SNX9: variants seen among roughly 807,000 people sequenced by gnomAD.
SNX9 encodes the protein sorting nexin-9.
Under a neutral mutation model 89.4 loss-of-function variants are expected in SNX9, and 44 were observed. That is an observed-to-expected ratio of 0.49 (90% CI 0.39 to 0.63). SNX9 has a LOEUF of 0.63. Among genes scored for constraint, SNX9 ranks in the 30% least tolerant of loss-of-function variants. The pLI, the probability that SNX9 is intolerant of heterozygous loss-of-function variation, is 0.00. For missense variants in SNX9, 578 were observed against 736.1 expected (o/e 0.79, Z 2.49); for synonymous variants, 236 against 247.8 (o/e 0.95, Z 0.45).
In SNX9 at chr6:157,823,532, C is replaced by T. The variant is rs1781279406; in HGVS notation, c.12+86C>T. The T allele has an allele frequency of 9.1e-7, 1 of 1,094,992 alleles. No individual in the cohort carries two copies. Among genetic ancestry groups the T allele is most frequent in the Non-Finnish European group, 1.1e-6 (1 of 886,000 alleles). The allele number at this position is 1,094,992 out of a possible 1,614,324, so 67.8% of individuals were successfully genotyped here. A position where few individuals can be genotyped will look rare whatever the true frequency, so the allele number is the denominator to read the frequency against. On this transcript the variant is annotated intron_variant, in intron 1 of 17. Coordinates refer to ENST00000392185, the MANE Select transcript of SNX9 (RefSeq NM_016224.5). This position sits in a 1 kb window ranked among gnomAD's most constrained non-coding sequence, Gnocchi z 4.6. ...TCGGGGCCGGGGCCGCGGGGAGGGT[C>T]GGGGCCAGGGGTGGTCGAGGGGCCA...
At chr6:157,830,734 T>C (rs1020578353) in intron 1 of SNX9, among the ~76,000 whole-genome samples, 2 of 152,224 alleles carry the variant, frequency 1.3e-5, no homozygotes, top group Non-Finnish European at 2.9e-5. Context: ...AGTAGCCACA[T>C]GTGGCTAATG....
intron 6 of SNX9, among the ~76,000 whole-genome samples, chr6:157,903,998 TAAAAC>T (rs757294357): frequency 2.0e-5 from 3 of 152,220 alleles, no homozygotes; most frequent in Non-Finnish European, 4.4e-5. Context: ...CACTTAAACT[TAAAAC>T]AATTATAAAA....
At chr6:157,899,718 G>C (rs1456103536) in intron 5 of SNX9, among the ~76,000 whole-genome samples, 1 of 152,070 alleles carries the variant, frequency 6.6e-6, no homozygotes, top group African/African-American at 2.4e-5. Flanking sequence ...AGCTTGCAGG[G>C]AGCCAAGATT....
intron 13 of SNX9, 133 bp downstream of exon 13, chr6:157,932,405 G>C: frequency 1.4e-6 from 1 of 730,228 alleles, no homozygotes; most frequent in Non-Finnish European, 2.4e-6. Context: ...TGGCTAGGCT[G>C]CCGCACTAAG....
intron 1 of SNX9, among the ~76,000 whole-genome samples, chr6:157,828,865 C>G (rs1017728572): frequency 7.2e-5 from 11 of 152,116 alleles, no homozygotes; most frequent in Non-Finnish European, 1.3e-4. Flanking sequence ...CATTACACAC[C>G]CCGACTGCCA....
intron 17 of SNX9, among the ~76,000 whole-genome samples, chr6:157,941,712 G>A (rs1169232732): frequency 6.6e-6 from 1 of 152,184 alleles, no homozygotes; most frequent in Admixed American, 6.5e-5. Flanking sequence ...CCATACTGGT[G>A]GCATCTGCGA....
At chr6:157,932,161 G>A (rs1783823950) in intron 12 of SNX9, 34 bp from the exon 13 acceptor site, 1 of 1,589,006 alleles carries the variant, frequency 6.3e-7, no homozygotes, top group Non-Finnish European at 8.6e-7. Context: ...AGTTTGCTCA[G>A]AAGACTAATC....
intron 1 of SNX9, among the ~76,000 whole-genome samples, chr6:157,843,709 A>C (rs2115115567): frequency 6.6e-6 from 1 of 152,230 alleles, no homozygotes; most frequent in East Asian, 1.9e-4. Context: ...GTCTTTGTGT[A>C]CTTCTGATTG....
At chr6:157,889,233 C>G (rs1472376080) in intron 4 of SNX9, among the ~76,000 whole-genome samples, 1 of 151,972 alleles carries the variant, frequency 6.6e-6, no homozygotes, top group Non-Finnish European at 1.5e-5. Flanking sequence ...GAGTTCGAGA[C>G]CAGCCTGGCC....
chr6:157,917,787 G>A (rs1467917883), intron 9 of SNX9, among the ~76,000 whole-genome samples: 1 of 151,922 alleles, frequency 6.6e-6, no homozygotes, highest in Non-Finnish European at 1.5e-5. Flanking sequence ...TAATAACAAG[G>A]AAAAAAGTCC....
At chr6:157,894,196 G>A (rs961087402) in intron 4 of SNX9, among the ~76,000 whole-genome samples, 5 of 133,232 alleles carry the variant, frequency 3.8e-5, no homozygotes, top group Non-Finnish European at 7.7e-5. Context: ...TGCAATCTCC[G>A]CCTCCTGGAT....
chr6:157,933,563 C>G (rs536904938), intron 13 of SNX9, among the ~76,000 whole-genome samples: 1 of 152,280 alleles, frequency 6.6e-6, no homozygotes, highest in South Asian at 2.1e-4. Flanking sequence ...AGACCAGAAG[C>G]GGGCTTTGAG....
At chr6:157,919,325 T>C (rs1042345977) in intron 9 of SNX9, among the ~76,000 whole-genome samples, 8 of 152,238 alleles carry the variant, frequency 5.3e-5, no homozygotes, top group African/African-American at 9.6e-5. Flanking sequence ...TCTCTCTTCT[T>C]CCTCTGGGAT....
intron 1 of SNX9, among the ~76,000 whole-genome samples, chr6:157,827,205 CAT>C (rs1781384347): frequency 3.1e-4 from 7 of 22,708 alleles, no homozygotes; most frequent in East Asian, 1.1e-3. Flanking sequence ...AATATATAAA[CAT>C]ATATTATAGT....
chr6:157,938,640 T>A lies in SNX9; in HGVS notation c.1541T>A (p.Ile514Lys). The change falls in exon 16 of 18, where the codon ATA becomes AAA. Residue 514 changes from isoleucine to lysine, a missense_variant. By Grantham distance (102) the Ile-to-Lys change is moderately radical. Around this residue, in one of 2 missense-constraint regions of SNX9, gnomAD observed 348 missense variants for 491.4 expected, o/e 0.71. Coordinates refer to ENST00000392185, the MANE Select transcript of SNX9 (RefSeq NM_016224.5). Reference protein sequence around the residue: ...PDIIGTHKGAIEKVKESDKLV... With the variant: ...PDIIGTHKGAKEKVKESDKLV... ...GCATTTTATATTTCACAGGGAGCAA[T>A]AGAAAAAGTGAAAGAAAGTGACAAA... The A allele has an allele frequency of 6.2e-7, 1 of 1,610,258 alleles. No homozygotes were observed. The highest frequency in any genetic ancestry group is 8.5e-7 in the Non-Finnish European group (1 of 1,176,856).
chr6:157,927,004 G>A, intron 10 of SNX9, 107 bp from the exon 11 acceptor site: 1 of 797,902 alleles, frequency 1.3e-6, no homozygotes, highest in Admixed American at 2.3e-5. Context: ...GCTGCTTCCT[G>A]AAAATTAGAA....
Position 157,873,093 on chromosome 6 carries a change from A to C in SNX9, c.100-9A>C. 1.4e-6 allele frequency: 2 copies of C among 1,432,416 alleles called. No individual in the cohort carries two copies. Among genetic ancestry groups the C allele is most frequent in the South Asian group, 1.4e-5 (1 of 73,462 alleles). The allele number at this position is 1,432,416 out of a possible 1,614,324, so 88.7% of individuals were successfully genotyped here. On this transcript the variant is annotated splice_polypyrimidine_tract_variant and intron_variant, in intron 2 of 17. Coordinates refer to ENST00000392185, the MANE Select transcript of SNX9 (RefSeq NM_016224.5). ...TTTTCTTTTTTTTTTTTTTTTGGTG[A>C]CTTATTAGGATGTAGGTGGAGGATG... is the stretch of plus-strand genomic sequence containing the variant.
chr6:157,865,340 GAAAAAAA>G (rs541824549), intron 1 of SNX9, among the ~76,000 whole-genome samples: 1 of 95,490 alleles, frequency 1.0e-5, no homozygotes, highest in Non-Finnish European at 2.2e-5. Flanking sequence ...ACAGTCTCAG[GAAAAAAA>G]AAAAAAAAAA....
At chr6:157,853,635 A>G (rs1475245361) in intron 1 of SNX9, among the ~76,000 whole-genome samples, 2 of 152,148 alleles carry the variant, frequency 1.3e-5, no homozygotes, top group Non-Finnish European at 2.9e-5. Context: ...TTCCCTTACT[A>G]TCCGGTGAAG....
Sources: gnomAD v4.1 joint callset for allele counts (sites outside exome capture counted in the v4.1 genomes callset) on GRCh38, gnomAD v4.1.1 for gene constraint, gnomAD v4.1.1 regional missense constraint, Gnocchi (gnomAD v3.1) non-coding constraint, MANE v1.5 for transcripts, NCBI Gene and HGNC (gene_info 2026-07-23, HGNC 2026-07-21) for gene names.